The following CAMTA1 variants were observed in gnomAD, a reference collection of about 807,000 sequenced individuals.
CAMTA1 encodes the protein calmodulin binding transcription activator 1.
In CAMTA1, 27 loss-of-function variants were observed where a neutral mutation model predicts 170.9. The ratio of observed to expected loss-of-function variants is 0.16; its 90% CI spans 0.12 to 0.22. The LOEUF is 0.22. CAMTA1 is among the 10% of genes least tolerant of loss of function. CAMTA1 has a pLI of 1.00. For synonymous variants in CAMTA1, 833 were observed against 891.5 expected, an observed-to-expected ratio of 0.93 and a Z score of 1.17; for missense variants, 1,619 against 2,217.2, an observed-to-expected ratio of 0.73 and a Z score of 5.42.
At chr1:7,409,615 G>C (rs529583647) in intron 5 of CAMTA1, among the ~76,000 whole-genome samples, 1 of 152,278 alleles carries the variant, frequency 6.6e-6, no homozygotes, top group East Asian at 1.9e-4. Flanking sequence ...ACTGTGCTGA[G>C]CCCTCCCAGC....
intron 3 of CAMTA1, among the ~76,000 whole-genome samples, chr1:7,061,390 C>T (rs1331423816): frequency 2.0e-5 from 3 of 152,210 alleles, no homozygotes; most frequent in African/African-American, 4.8e-5. Context: ...TGCTGGCGAG[C>T]GGGTGTCACC....
At chr1:7,036,040 C>T (rs1048191988) in intron 3 of CAMTA1, among the ~76,000 whole-genome samples, 19 of 152,180 alleles carry the variant, frequency 1.2e-4, no homozygotes, top group African/African-American at 3.9e-4. Flanking sequence ...TGTTTATGGA[C>T]GCCTACGTAT....
At chr1:7,264,760 G>A (rs1004897146) in intron 5 of CAMTA1, among the ~76,000 whole-genome samples, 1 of 152,094 alleles carries the variant, frequency 6.6e-6, no homozygotes, top group Admixed American at 6.6e-5. Flanking sequence ...GGATCTGAAA[G>A]GGGAAAAAAT....
intron 4 of CAMTA1, among the ~76,000 whole-genome samples, chr1:7,115,797 C>T (rs542370220): frequency 5.3e-5 from 8 of 152,254 alleles, no homozygotes; most frequent in South Asian, 2.1e-4. Context: ...AAAAGACTCA[C>T]GTCCCCATGC....
chr1:6,972,001 G>A (rs1692622245), intron 3 of CAMTA1, among the ~76,000 whole-genome samples: 1 of 152,214 alleles, frequency 6.6e-6, no homozygotes. Context: ...GATGAGGTGT[G>A]CAGGGCAGGA....
At chr1:6,981,571 C>G (rs1417109141) in intron 3 of CAMTA1, among the ~76,000 whole-genome samples, 1 of 150,090 alleles carries the variant, frequency 6.7e-6, no homozygotes, top group Non-Finnish European at 1.5e-5. Flanking sequence ...TAGCTGGGAC[C>G]ATAGGCATGC....
intron 3 of CAMTA1, among the ~76,000 whole-genome samples, chr1:6,974,920 C>T (rs1693148814): frequency 1.3e-5 from 2 of 152,212 alleles, no homozygotes. Context: ...AAACATAAGG[C>T]TTGCTATCTT....
chr1:7,698,232 C>T (rs535704035), intron 11 of CAMTA1: 1 of 152,250 alleles, frequency 6.6e-6, no homozygotes, highest in Non-Finnish European at 1.5e-5. Context: ...GAAGAATTGT[C>T]TTGGGTCACA....
intron 4 of CAMTA1, among the ~76,000 whole-genome samples, chr1:7,108,511 A>T (rs1195662552): frequency 6.6e-6 from 1 of 152,138 alleles, no homozygotes; most frequent in East Asian, 1.9e-4. Context: ...CTGAACTCTC[A>T]CATCATCCTC....
chr1:6,933,667 A>ATTT (rs376754402), intron 3 of CAMTA1, among the ~76,000 whole-genome samples: 1 of 135,152 alleles, frequency 7.4e-6, no homozygotes, highest in Non-Finnish European at 1.6e-5. Context: ...TTCGTTTTTC[A>ATTT]TTTTTTTTTT....
At chr1:7,724,391 G>C (rs2096669422) in intron 11 of CAMTA1, among the ~76,000 whole-genome samples, 1 of 152,162 alleles carries the variant, frequency 6.6e-6, no homozygotes, top group Non-Finnish European at 1.5e-5. Context: ...AGGGGCATAT[G>C]GGAACTCTAC....
At chr1:7,053,683 G>T (rs891335357) in intron 3 of CAMTA1, among the ~76,000 whole-genome samples, 4 of 152,194 alleles carry the variant, frequency 2.6e-5, no homozygotes, top group Non-Finnish European at 4.4e-5. Context: ...TCGAAGCAGG[G>T]CCTTTGCCCT....
chr1:7,420,657 C>T (rs1002118261), intron 5 of CAMTA1, among the ~76,000 whole-genome samples: 1 of 152,186 alleles, frequency 6.6e-6, no homozygotes, highest in Non-Finnish European at 1.5e-5. Context: ...GCTCAGTCTC[C>T]TGGAAATCCA....
At position 7,308,044 on chromosome 1, in the gene CAMTA1, A is replaced by G. The variant is rs1261948026; in HGVS notation, c.438+58418A>G. Among the ~76,000 whole-genome samples the G allele has an allele frequency of 2.7e-5, 4 of 150,902 alleles. No homozygotes were observed. In the East Asian group the frequency reaches 7.7e-4, roughly 29 times the overall value. On this transcript the variant is annotated intron_variant, in intron 5 of 22. Transcript: ENST00000303635. ...CAATTTATTTAATAGTTACAGGACT[A>G]TTCCAGGGTTGTTGTTGTTTTTTTT...
intron 6 of CAMTA1, among the ~76,000 whole-genome samples, chr1:7,590,184 G>A (rs547904447): frequency 3.3e-5 from 5 of 152,118 alleles, no homozygotes; most frequent in Non-Finnish European, 7.4e-5. Context: ...CCCCCAACAC[G>A]GCCCTCACAA....
intron 3 of CAMTA1, among the ~76,000 whole-genome samples, chr1:6,855,387 G>A (rs1015750349): frequency 2.0e-5 from 3 of 151,506 alleles, no homozygotes; most frequent in Non-Finnish European, 2.9e-5. Context: ...GGATTCTGGG[G>A]GAGGCCTCAG....
intron 5 of CAMTA1, among the ~76,000 whole-genome samples, chr1:7,258,514 C>A (rs1667732093): frequency 6.6e-6 from 1 of 152,056 alleles, no homozygotes; most frequent in Non-Finnish European, 1.5e-5. Flanking sequence ...CTGTTTGGTC[C>A]CCAACACACA....
Position 7,588,283 on chromosome 1 carries a change from T to C in CAMTA1, c.511-52117T>C, listed in dbSNP as rs2095327544. 6.6e-6 allele frequency among the ~76,000 whole-genome samples: 1 copy of C among 151,150 alleles called. No individual in the cohort carries two copies. Reference sequence around the variant, plus strand: ...ACTGCCTCTGACACCCACGCTGGTGTGGCCCTGCTGGGGACCCCGGGTCTG... The same window carrying C: ...ACTGCCTCTGACACCCACGCTGGTGCGGCCCTGCTGGGGACCCCGGGTCTG... On this transcript the variant is annotated intron_variant, in intron 6 of 22. Transcript: ENST00000303635. The surrounding 1 kb of genome is among the most constrained non-coding windows in gnomAD (Gnocchi z 5.8).
At chr1:7,579,118 G>A (rs553648222) in intron 6 of CAMTA1, among the ~76,000 whole-genome samples, 4 of 152,364 alleles carry the variant, frequency 2.6e-5, no homozygotes, top group Admixed American at 6.5e-5. Context: ...GGCAACAGAC[G>A]GGCAGTGGCT....
Sources: gnomAD v4.1 joint callset for allele counts (sites outside exome capture counted in the v4.1 genomes callset) on GRCh38, gnomAD v4.1.1 for gene constraint, Gnocchi (gnomAD v3.1) non-coding constraint, MANE v1.5 for transcripts, NCBI Gene and HGNC (gene_info 2026-07-23, HGNC 2026-07-21) for gene names.